Variants in MCHR2 observed in about 807,000 individuals in gnomAD.
The protein encoded by MCHR2 is melanin concentrating hormone receptor 2.
In MCHR2, 15 loss-of-function variants were observed where a neutral mutation model predicts 24.8. That is an observed-to-expected ratio of 0.60 (90% CI 0.40 to 0.93). The LOEUF (loss-of-function observed/expected upper bound fraction) is 0.93, where lower values mean the gene tolerates loss of function less well. MCHR2 is among the 40% of genes least tolerant of loss of function. The probability of loss-of-function intolerance (pLI) is 0.00; values close to 1 mark genes in which losing one functional copy is unlikely to be tolerated. For missense variants in MCHR2, 386 were observed against 408.7 expected (o/e 0.94, Z 0.48); for synonymous variants, 151 against 147.6 (o/e 1.02, Z -0.17).
intron 1 of MCHR2, among the ~76,000 whole-genome samples, chr6:99,989,587 A>G (rs571166577): frequency 2.6e-5 from 4 of 152,256 alleles, no homozygotes; most frequent in Admixed American, 6.5e-5. Context: ...CCCTGAGAAG[A>G]CGATGGGAAC....
chr6:99,972,045 G>A (rs2114570273), intron 1 of MCHR2, among the ~76,000 whole-genome samples: 3 of 152,310 alleles, frequency 2.0e-5, no homozygotes, highest in Non-Finnish European at 4.4e-5. Flanking sequence ...ATCTCTGCCA[G>A]GCTTTGGTAT....
At chr6:99,967,837 C>T (rs144359275) in intron 1 of MCHR2, among the ~76,000 whole-genome samples, 1 of 152,286 alleles carries the variant, frequency 6.6e-6, no homozygotes, top group East Asian at 1.9e-4. Flanking sequence ...CATCTCCTTA[C>T]ATTCTATTCA....
In MCHR2 at chr6:99,919,528, GC is replaced by G. The variant is rs1349503546; in HGVS notation, c.*1411del. Among the ~76,000 whole-genome samples the G allele has an allele frequency of 6.6e-6, 1 of 152,066 alleles. No individual in the cohort carries two copies. Among genetic ancestry groups the G allele is most frequent in the Non-Finnish European group, 1.5e-5 (1 of 67,990 alleles). ...GTGGGTTTACAGACTTTATCCACAA[GC>G]AAAAATAACAATATTTGTCTTAGTG... On this transcript the variant is annotated 3_prime_UTR_variant, in exon 6 of 6. Coordinates refer to ENST00000281806, the MANE Select transcript of MCHR2 (RefSeq NM_001040179.2).
At chr6:99,947,624 A>C in intron 3 of MCHR2, 138 bp downstream of exon 3, 1 of 694,566 alleles carries the variant, frequency 1.4e-6, no homozygotes, top group Non-Finnish European at 2.3e-6. Flanking sequence ...AATATTCTTA[A>C]GTAATCAGTT....
intron 2 of MCHR2, among the ~76,000 whole-genome samples, chr6:99,954,905 T>C (rs6932128): frequency 0.99 from 150,201 of 152,222 alleles, 74,125 homozygotes; most frequent in Middle Eastern, 1. Flanking sequence ...AAGGTATAAG[T>C]GAGACATAAT....
intron 5 of MCHR2, among the ~76,000 whole-genome samples, chr6:99,932,997 A>G (rs918009624): frequency 1.4e-5 from 2 of 148,068 alleles, no homozygotes; most frequent in Admixed American, 6.8e-5. Context: ...CTGTCTCTGT[A>G]CTATCTGTAC....
At chr6:99,969,654 G>A (rs1439539415) in intron 1 of MCHR2, among the ~76,000 whole-genome samples, 2 of 150,592 alleles carry the variant, frequency 1.3e-5, no homozygotes, top group Non-Finnish European at 3.0e-5. Flanking sequence ...TGCCATGTTG[G>A]TGTGCTGCAC....
At chr6:99,927,654 T>A (rs1774398885) in intron 5 of MCHR2, among the ~76,000 whole-genome samples, 4 of 151,960 alleles carry the variant, frequency 2.6e-5, no homozygotes, top group African/African-American at 9.7e-5. Context: ...TATTGGTGTA[T>A]AAGAATGCTT....
intron 3 of MCHR2, among the ~76,000 whole-genome samples, chr6:99,943,835 A>T (rs1458286097): frequency 6.6e-6 from 1 of 152,110 alleles, no homozygotes; most frequent in African/African-American, 2.4e-5. Context: ...TATAAACGAA[A>T]CTCTGGAAAA....
chr6:99,985,597 A>G (rs2397684), intron 1 of MCHR2, among the ~76,000 whole-genome samples: 142,520 of 152,208 alleles, frequency 0.94, 67,115 homozygotes, highest in East Asian at 0.99. Context: ...TATTAAATAA[A>G]TGGTACTGGG....
At chr6:99,981,654 G>A (rs1029068357) in intron 1 of MCHR2, among the ~76,000 whole-genome samples, 1 of 152,150 alleles carries the variant, frequency 6.6e-6, no homozygotes, top group African/African-American at 2.4e-5. Flanking sequence ...TAAGGCACCT[G>A]GCACACGGCA....
At chr6:99,926,767 T>G (rs1326938115) in intron 5 of MCHR2, among the ~76,000 whole-genome samples, 2 of 152,186 alleles carry the variant, frequency 1.3e-5, no homozygotes, top group Non-Finnish European at 2.9e-5. Flanking sequence ...TTGTGAAAAT[T>G]TTCTCCCATT....
intron 1 of MCHR2, among the ~76,000 whole-genome samples, chr6:99,978,502 T>A (rs1775602564): frequency 7.1e-6 from 1 of 139,980 alleles, no homozygotes; most frequent in Admixed American, 8.1e-5. Flanking sequence ...CACTGCCAGC[T>A]CCACCTCCCG....
At chr6:99,945,417 G>A (rs1582383854) in intron 3 of MCHR2, among the ~76,000 whole-genome samples, 1 of 152,082 alleles carries the variant, frequency 6.6e-6, no homozygotes, top group South Asian at 2.1e-4. Flanking sequence ...TAATATTTTG[G>A]ATATTTATAT....
At chr6:99,934,934 A>C (rs1774626436) in intron 4 of MCHR2, among the ~76,000 whole-genome samples, 1 of 152,070 alleles carries the variant, frequency 6.6e-6, no homozygotes, top group African/African-American at 2.4e-5. Context: ...CAGAAGAAGA[A>C]ACTGAGGCAC....
chr6:99,932,362 A>G lies in MCHR2; in HGVS notation c.707+2036T>C, dbSNP rs376311771. Among the ~76,000 whole-genome samples, 253 of 152,286 alleles carry G rather than the reference A, an allele frequency of 1.7e-3. 2 individuals are homozygous for G. The South Asian group carries it at 0.021, about 12-fold the overall frequency. ...CCTTTTTTACAGAAGCATTCTAAAT[A>G]ATATAGGGATTGTTACATAGATACT... On this transcript the variant is annotated intron_variant, in intron 5 of 5. Transcript: ENST00000281806.
At chr6:99,948,438 A>G (rs938203110) in intron 2 of MCHR2, among the ~76,000 whole-genome samples, 3 of 152,114 alleles carry the variant, frequency 2.0e-5, no homozygotes, top group African/African-American at 7.2e-5. Flanking sequence ...ATTGGTTAAC[A>G]ACCAGTCAGC....
At position 99,982,467 on chromosome 6, in the gene MCHR2, GAAAAAAAAAA is replaced by G. The variant is rs1196029682; in HGVS notation, c.-28+11459_-28+11468del. The stretch of plus-strand genomic sequence containing the variant: ...AATATGGAGAAACCTTGTCTGTACA[GAAAAAAAAAA>G]AAAAAAAAAAAAAAAGCCAGGTGTG... On this transcript the variant is annotated intron_variant, in intron 1 of 5. Transcript: ENST00000281806. Among the ~76,000 whole-genome samples the G allele has an allele frequency of 1.7e-3, 80 of 46,642 alleles. 2 individuals carry two copies. The highest frequency in any genetic ancestry group is 1.7e-3 in the Non-Finnish European group (49 of 28,548). The allele number at this position is 46,642 out of a possible 152,430, so 30.6% of individuals were successfully genotyped here. A position where few individuals can be genotyped will look rare whatever the true frequency, so the allele number is the denominator to read the frequency against.
chr6:99,964,924 A>G (rs1351902194), intron 1 of MCHR2, among the ~76,000 whole-genome samples: 3 of 152,144 alleles, frequency 2.0e-5, no homozygotes, highest in Non-Finnish European at 4.4e-5. Flanking sequence ...TATAGAATTA[A>G]AAAACAAGGC....
Sources: allele counts gnomAD v4.1 joint callset (sites outside exome capture counted in the v4.1 genomes callset), GRCh38; gene constraint gnomAD v4.1.1; transcripts MANE v1.5; gene names NCBI Gene and HGNC (gene_info 2026-07-23, HGNC 2026-07-21).